The following ERC1 variants were observed in gnomAD, a reference collection of about 807,000 sequenced individuals.
The protein encoded by ERC1 is ELKS/RAB6-interacting/CAST family member 1.
Under a neutral mutation model 132.0 loss-of-function variants are expected in ERC1, and 56 were observed. That is an observed-to-expected ratio of 0.42 (90% CI 0.34 to 0.53). ERC1 has a LOEUF of 0.53. Ranked by LOEUF, ERC1 falls within the 20% of genes least tolerant of loss-of-function variation. ERC1 has a pLI of 0.03. For synonymous variants in ERC1, 478 were observed against 476.1 expected (o/e 1.00, Z -0.05); for missense variants, 1,202 against 1,349.9 (o/e 0.89, Z 1.72).
At chr12:990,791 T>G (rs568898662), upstream of ERC1, among the ~76,000 whole-genome samples, 1 of 150,448 alleles carries the variant, frequency 6.6e-6, no homozygotes, top group Non-Finnish European at 1.5e-5. Context: ...AAGTAGGGGG[T>G]GGGGCGCCGC....
At chr12:1,220,858 G>A (rs536711029) in intron 12 of ERC1, among the ~76,000 whole-genome samples, 1 of 152,308 alleles carries the variant, frequency 6.6e-6, no homozygotes, top group East Asian at 1.9e-4. Flanking sequence ...TGCTGCATCT[G>A]TCTGCTTCAC....
At chr12:1,004,467 C>G (rs1325764787) in intron 1 of ERC1, among the ~76,000 whole-genome samples, 1 of 128,950 alleles carries the variant, frequency 7.8e-6, no homozygotes, top group Non-Finnish European at 1.6e-5. Context: ...AGTGCAGTGA[C>G]GTGATCTCGG....
rs35596394 is a variant in ERC1 at position 1,483,668 on chromosome 12, C to CTTTTTTTTTTT, written c.3214-6397_3214-6387dup. Reference sequence around the variant, plus strand: ...CAAAACTCCTTCCAGCCACTGAGAGCTTTTTTTTTTTTTTTTTTTTTTTTT... The same window carrying CTTTTTTTTTTT: ...CAAAACTCCTTCCAGCCACTGAGAGCTTTTTTTTTTTTTTTTTTTTTTTTTTTTTTTTTTTT... On this transcript the variant is annotated intron_variant, in intron 18 of 18. Coordinates refer to ENST00000360905, the MANE Select transcript of ERC1 (RefSeq NM_178040.4). Among the ~76,000 whole-genome samples, 19 of 55,220 alleles carry CTTTTTTTTTTT rather than the reference C, an allele frequency of 3.4e-4. 4 individuals are homozygous for CTTTTTTTTTTT. The highest frequency in any genetic ancestry group is 5.7e-4 in the Non-Finnish European group (16 of 28,118). 36.2% of individuals were successfully genotyped at this position (55,220 alleles called of 152,430 possible).
intron 14 of ERC1, among the ~76,000 whole-genome samples, chr12:1,267,000 G>T (rs1164983083): frequency 6.6e-6 from 1 of 152,220 alleles, no homozygotes; most frequent in African/African-American, 2.4e-5. Flanking sequence ...ACCTTCCAAA[G>T]TTCGAGCAAG....
intron 2 of ERC1, among the ~76,000 whole-genome samples, chr12:1,057,746 C>G (rs977263298): frequency 2.0e-5 from 3 of 151,866 alleles, no homozygotes; most frequent in African/African-American, 4.8e-5. Flanking sequence ...CAGGCACTTG[C>G]CACCACGCCC....
chr12:1,228,950 G>A (rs2074817038), intron 12 of ERC1, among the ~76,000 whole-genome samples: 1 of 152,116 alleles, frequency 6.6e-6, no homozygotes, highest in African/African-American at 2.4e-5. Flanking sequence ...AGTTTCATCA[G>A]TACTATTGAC....
chr12:1,236,820 G>A lies in ERC1; in HGVS notation c.2403G>A (p.Gln801=). Residue 801 remains glutamine (Q), a synonymous_variant, in exon 13 of 19, where the codon CAG becomes CAA. Transcript: ENST00000360905. ...TAGCAAATCTGAAGCACAAGGAACA[G>A]GTGGAAAAAAAGAAGAGTGCACAAA... The part of the protein sequence containing the change: ...KKVANLKHKE[Q]VEKKKSAQML... The A allele has an allele frequency of 6.2e-7, 1 of 1,614,008 alleles. No individual in the cohort carries two copies. Among genetic ancestry groups the A allele is most frequent in the South Asian group, 1.1e-5 (1 of 91,076 alleles).
chr12:1,226,703 G>A (rs1312964020), intron 12 of ERC1, among the ~76,000 whole-genome samples: 1 of 152,086 alleles, frequency 6.6e-6, no homozygotes, highest in African/African-American at 2.4e-5. Flanking sequence ...TTTCGAAACA[G>A]TCTCACTCTG....
chr12:1,056,071 C>CTT (rs746163650), intron 2 of ERC1, among the ~76,000 whole-genome samples: 10 of 138,152 alleles, frequency 7.2e-5, no homozygotes, highest in African/African-American at 2.4e-4. Context: ...TTATTGTAGC[C>CTT]TTTTTTTTTT....
chr12:1,327,131 A>G (rs2082500442), intron 15 of ERC1, among the ~76,000 whole-genome samples: 1 of 152,100 alleles, frequency 6.6e-6, no homozygotes, highest in South Asian at 2.1e-4. Context: ...TTGATTCTAA[A>G]TCTCATGTCC....
intron 15 of ERC1, among the ~76,000 whole-genome samples, chr12:1,357,513 C>G (rs1034064269): frequency 3.9e-5 from 6 of 152,252 alleles, no homozygotes; most frequent in African/African-American, 1.2e-4. Flanking sequence ...TTCTGAGAGA[C>G]AATGTAAGAA....
chr12:1,440,110 TCAAA>T (rs2154407563), intron 17 of ERC1, among the ~76,000 whole-genome samples: 1 of 152,234 alleles, frequency 6.6e-6, no homozygotes, highest in South Asian at 2.1e-4. Flanking sequence ...ATCCATCACT[TCAAA>T]CATTTATCTT....
intron 17 of ERC1, among the ~76,000 whole-genome samples, chr12:1,440,282 G>A (rs1270128180): frequency 2.9e-5 from 4 of 138,486 alleles, no homozygotes; most frequent in East Asian, 4.2e-4. Flanking sequence ...TCGGCTCACT[G>A]CAAGCTCCGC....
At chr12:1,338,944 A>G (rs961210080) in intron 15 of ERC1, among the ~76,000 whole-genome samples, 4 of 152,234 alleles carry the variant, frequency 2.6e-5, no homozygotes, top group African/African-American at 9.6e-5. Flanking sequence ...GTGCTCCACG[A>G]TCACTGGTCA....
At chr12:1,256,822 A>G (rs945680654) in intron 13 of ERC1, among the ~76,000 whole-genome samples, 5 of 150,740 alleles carry the variant, frequency 3.3e-5, no homozygotes, top group Non-Finnish European at 7.4e-5. Context: ...ATAGTCTCAT[A>G]CCAACAGCTG....
At chr12:1,227,198 A>G (rs1162951254) in intron 12 of ERC1, among the ~76,000 whole-genome samples, 2 of 152,062 alleles carry the variant, frequency 1.3e-5, no homozygotes, top group East Asian at 1.9e-4. Flanking sequence ...GTTTAGAGGA[A>G]CCTTCTTACC....
chr12:1,241,286 ATGATCTATTATCTGAAAT>A (rs1811488519), intron 13 of ERC1, among the ~76,000 whole-genome samples: 1 of 152,106 alleles, frequency 6.6e-6, no homozygotes, highest in African/African-American at 2.4e-5. Context: ...TTCACATGTA[ATGATCTATTATCTGAAAT>A]TTCCGTGTCA....
intron 14 of ERC1, among the ~76,000 whole-genome samples, chr12:1,284,729 G>A (rs1242618820): frequency 6.6e-6 from 1 of 152,094 alleles, no homozygotes; most frequent in African/African-American, 2.4e-5. Flanking sequence ...GGAGCGCAGT[G>A]GTGTGATCAT....
intron 7 of ERC1, among the ~76,000 whole-genome samples, chr12:1,133,446 A>G (rs1224274171): frequency 6.6e-6 from 1 of 152,140 alleles, no homozygotes; most frequent in African/African-American, 2.4e-5. Context: ...ACTGTCAAAT[A>G]GGATTAGTAG....
Sources: allele counts gnomAD v4.1 joint callset (sites outside exome capture counted in the v4.1 genomes callset), GRCh38; gene constraint gnomAD v4.1.1; transcripts MANE v1.5; gene names NCBI Gene and HGNC (gene_info 2026-07-23, HGNC 2026-07-21).